The following CNTN1 variants were observed in gnomAD, a reference collection of about 807,000 sequenced individuals.
The protein encoded by CNTN1 is contactin-1.
CNTN1 carries 38 observed loss-of-function variants against 126.4 expected under a neutral mutation model. The ratio of observed to expected loss-of-function variants is 0.30; its 90% CI spans 0.23 to 0.39. The LOEUF (loss-of-function observed/expected upper bound fraction) is 0.39, where lower values mean the gene tolerates loss of function less well. CNTN1 is among the 10% of genes least tolerant of loss of function. The probability of loss-of-function intolerance (pLI) is 1.00; values close to 1 mark genes in which losing one functional copy is unlikely to be tolerated. For missense variants in CNTN1, 1,009 were observed against 1,248.4 expected (o/e 0.81, Z 2.89); for synonymous variants, 413 against 422.6 (o/e 0.98, Z 0.28).
rs566196180 is a variant in CNTN1 at position 40,923,309 on chromosome 12, ATGAGTTGGACCAGG to A, written c.400+885_400+898del. Among the ~76,000 whole-genome samples, 207 of 152,258 alleles carry A rather than the reference ATGAGTTGGACCAGG, an allele frequency of 1.4e-3. 3 individuals are homozygous for A. The highest frequency in any genetic ancestry group is 4.8e-3 in the African/African-American group (201 of 41,548). On this transcript the variant is annotated intron_variant, in intron 5 of 23. Transcript: ENST00000551295. ...TTGAAAGAAAATTTTACATTGGGAG[ATGAGTTGGACCAGG>A]TGATCTCCAGTATGTGATTTGTCAG...
intron 1 of CNTN1, among the ~76,000 whole-genome samples, chr12:40,908,044 G>C (rs1944895619): frequency 6.6e-6 from 1 of 152,188 alleles, no homozygotes; most frequent in African/African-American, 2.4e-5. Flanking sequence ...AATGGTTACA[G>C]AGGAAAAGAA....
intron 23 of CNTN1, among the ~76,000 whole-genome samples, chr12:41,036,836 T>G (rs1949278450): frequency 6.6e-6 from 1 of 152,346 alleles, no homozygotes; most frequent in South Asian, 2.1e-4. Context: ...TTTTAAAGGC[T>G]TGGCATATAC....
intron 23 of CNTN1, among the ~76,000 whole-genome samples, chr12:41,029,862 C>A (rs539835474): frequency 6.6e-6 from 1 of 151,980 alleles, no homozygotes; most frequent in East Asian, 1.9e-4. Flanking sequence ...ATTTCTCACA[C>A]CTTTGTTTGA....
At chr12:41,012,198 CAGAG>C (rs147517723) in intron 17 of CNTN1, among the ~76,000 whole-genome samples, 15,380 of 151,830 alleles carry the variant, frequency 0.1, 872 homozygotes, top group Non-Finnish European at 0.13. Flanking sequence ...AGATCAAGGG[CAGAG>C]AGAGAGAGAC....
intron 1 of CNTN1, among the ~76,000 whole-genome samples, chr12:40,838,176 A>G (rs985559165): frequency 6.6e-6 from 1 of 151,692 alleles, no homozygotes; most frequent in African/African-American, 2.4e-5. Context: ...CCAATTTACC[A>G]CTCTGGAACC....
chr12:40,699,132 T>C (rs1318224243), intron 1 of CNTN1, among the ~76,000 whole-genome samples: 1 of 152,176 alleles, frequency 6.6e-6, no homozygotes, highest in African/African-American at 2.4e-5. Context: ...ACTGATTGGT[T>C]ACTTGTCTCT....
intron 15 of CNTN1, among the ~76,000 whole-genome samples, chr12:40,976,594 G>GT (rs758174506): frequency 3.3e-5 from 5 of 151,960 alleles, no homozygotes; most frequent in East Asian, 1.9e-4. Context: ...GTATGGTTGG[G>GT]TTTTTTTCAT....
chr12:40,726,238 C>T (rs1408964903), intron 1 of CNTN1, among the ~76,000 whole-genome samples: 1 of 151,968 alleles, frequency 6.6e-6, no homozygotes, highest in Non-Finnish European at 1.5e-5. Flanking sequence ...CATGTTAAAA[C>T]AATTCAGAAA....
In CNTN1 at chr12:40,924,881, CATATAT is replaced by C. The variant is rs138237336; in HGVS notation, c.496+241_496+246del. The stretch of plus-strand genomic sequence containing the variant: ...ATCTCTAATCATTTTAGTTTATAAA[CATATAT>C]ATATATATATAGTATTATGTCATCA... On this transcript the variant is annotated intron_variant, in intron 6 of 23. Transcript: ENST00000551295. Among the ~76,000 whole-genome samples the C allele has an allele frequency of 6.2e-5, 7 of 112,126 alleles. No homozygotes were observed. The South Asian group carries it at 1.5e-3, about 24-fold the overall frequency. 73.6% of individuals were successfully genotyped at this position (112,126 alleles called of 152,430 possible).
chr12:40,971,228 G>A (rs1947498576), intron 15 of CNTN1, among the ~76,000 whole-genome samples: 1 of 152,114 alleles, frequency 6.6e-6, no homozygotes, highest in South Asian at 2.1e-4. Flanking sequence ...TGTGTATGAG[G>A]GAAAGGTTTT....
intron 1 of CNTN1, among the ~76,000 whole-genome samples, chr12:40,770,566 A>C (rs1363312721): frequency 2.0e-5 from 3 of 152,130 alleles, no homozygotes; most frequent in African/African-American, 7.2e-5. Flanking sequence ...TCAATGCTTT[A>C]GGTATTGAAG....
chr12:40,931,934 T>C (rs1945901008), intron 7 of CNTN1, among the ~76,000 whole-genome samples: 1 of 151,982 alleles, frequency 6.6e-6, no homozygotes. Context: ...ATTTACTGTT[T>C]CCTTTCTGTT....
chr12:41,022,315 G>GTA (rs1434606997), intron 20 of CNTN1, among the ~76,000 whole-genome samples: 2 of 152,140 alleles, frequency 1.3e-5, no homozygotes, highest in Non-Finnish European at 2.9e-5. Context: ...CAAGGGAAAA[G>GTA]TATGTACCAT....
intron 21 of CNTN1, among the ~76,000 whole-genome samples, chr12:41,025,984 G>A (rs1244232188): frequency 6.6e-6 from 1 of 152,146 alleles, no homozygotes; most frequent in Non-Finnish European, 1.5e-5. Context: ...ATTAGAGTGT[G>A]AAAATTTATG....
chr12:40,705,140 G>A (rs912801688), intron 1 of CNTN1, among the ~76,000 whole-genome samples: 1 of 152,084 alleles, frequency 6.6e-6, no homozygotes, highest in Non-Finnish European at 1.5e-5. Context: ...AAGGTATATT[G>A]ACAATACTGG....
intron 1 of CNTN1, among the ~76,000 whole-genome samples, chr12:40,845,091 C>T (rs2136596584): frequency 6.6e-6 from 1 of 152,244 alleles, no homozygotes. Flanking sequence ...TTGAGATATG[C>T]TCAGCATCAA....
intron 23 of CNTN1, among the ~76,000 whole-genome samples, chr12:41,053,179 C>T (rs959086080): frequency 2.0e-5 from 3 of 151,090 alleles, no homozygotes; most frequent in Non-Finnish European, 4.4e-5. Flanking sequence ...ATAATTCTTA[C>T]ATTCTTTCAA....
intron 1 of CNTN1, among the ~76,000 whole-genome samples, chr12:40,707,248 T>C (rs776665477): frequency 0.032 from 3,856 of 121,440 alleles, 204 homozygotes; most frequent in Middle Eastern, 0.048. Flanking sequence ...TTTTTTTTTT[T>C]TTTTTTTTTT....
chr12:40,839,897 C>A (rs1285345861), intron 1 of CNTN1, among the ~76,000 whole-genome samples: 1 of 151,838 alleles, frequency 6.6e-6, no homozygotes, highest in Non-Finnish European at 1.5e-5. Flanking sequence ...CAGAAATCCA[C>A]CAAACAACAA....
Sources: gnomAD v4.1 joint callset for allele counts (sites outside exome capture counted in the v4.1 genomes callset) on GRCh38, gnomAD v4.1.1 for gene constraint, MANE v1.5 for transcripts, NCBI Gene and HGNC (gene_info 2026-07-23, HGNC 2026-07-21) for gene names.